Variants in RASA3 observed in about 807,000 individuals in gnomAD.
RASA3 encodes RAS p21 protein activator 3.
In RASA3, 73 loss-of-function variants were observed where a neutral mutation model predicts 110.0. That is an observed-to-expected ratio of 0.66 (90% CI 0.55 to 0.81). The LOEUF is 0.81. Ranked by LOEUF, RASA3 falls within the 30% of genes least tolerant of loss-of-function variation. The pLI is 0.00. For synonymous variants in RASA3, 500 were observed against 451.4 expected (o/e 1.11, Z -1.37); for missense variants, 976 against 1,113.2 (o/e 0.88, Z 1.75).
rs1037367992 is a variant in RASA3, at chr13:114,073,410, G to A, written c.173+310C>T. Among the ~76,000 whole-genome samples the A allele has an allele frequency of 2.7e-5, 4 of 148,458 alleles. No homozygotes were observed. In the South Asian group the frequency reaches 6.6e-4, roughly 24 times the overall value. On this transcript the variant is annotated intron_variant, in intron 2 of 23. Coordinates refer to ENST00000334062, the MANE Select transcript of RASA3 (RefSeq NM_007368.4). The stretch of plus-strand genomic sequence containing the variant: ...GGGAAAATGGGACGGTGACGTACAC[G>A]CTCGGGACATTGTCTACGCACAGAA...
intron 22 of RASA3, among the ~76,000 whole-genome samples, chr13:113,989,536 A>C (rs2053057189): frequency 5.4e-5 from 6 of 110,580 alleles, no homozygotes; most frequent in African/African-American, 7.2e-5. Context: ...ATCCACCATC[A>C]CTCACCCATC....
At position 114,018,866 on chromosome 13, in the gene RASA3, A is replaced by G; in HGVS notation, c.839T>C (p.Leu280Pro). 1 of 1,613,958 alleles carries G rather than the reference A, an allele frequency of 6.2e-7. No homozygotes were observed. Among genetic ancestry groups the G allele is most frequent in the Non-Finnish European group, 8.5e-7 (1 of 1,180,008 alleles). ...NGSKSLKPDD[L>P]GSLRLNVVYT... Reference sequence around the variant, plus strand: ...TACCACGTTCAGCCGCAGGGAGCCCAGGTCGTCTGGCTTTAGGCTCTTGCT... The same window carrying G: ...TACCACGTTCAGCCGCAGGGAGCCCGGGTCGTCTGGCTTTAGGCTCTTGCT... Residue 280 changes from leucine to proline, a missense_variant, in exon 10 of 24, where the codon CTG (leucine) becomes CCG (proline). Transcript: ENST00000334062.
intron 1 of RASA3, 49 bp from the exon 2 acceptor site, chr13:114,073,886 TCCC>T: frequency 7.0e-7 from 1 of 1,428,730 alleles, no homozygotes; most frequent in Non-Finnish European, 9.9e-7. Context: ...AAATGTTTGT[TCCC>T]TGCTACATCG....
In RASA3 at chr13:114,011,200, T is replaced by G. The variant is rs769705519; in HGVS notation, c.1561A>C (p.Thr521Pro). Reference sequence around the variant, plus strand: ...TTGGACTTGGACAGGCTGCCGAGGGTCTGAACGGTCTTGGAGATCAATGTC... The same window carrying G: ...TTGGACTTGGACAGGCTGCCGAGGGGCTGAACGGTCTTGGAGATCAATGTC... ...TLTLISKTVQ[T>P]LGSLSKSKSA... The change falls in exon 16 of 24, where the codon ACC (threonine) becomes CCC (proline). Residue 521 changes from threonine (T) to proline (P), a missense_variant. Coordinates refer to ENST00000334062, the MANE Select transcript of RASA3 (RefSeq NM_007368.4). This position sits in a 1 kb window ranked among gnomAD's most constrained non-coding sequence, Gnocchi z 4.8. The G allele has an allele frequency of 1.2e-6, 2 of 1,612,880 alleles. No individual in the cohort carries two copies. Among genetic ancestry groups the G allele is most frequent in the Non-Finnish European group, 1.7e-6 (2 of 1,179,684 alleles).
chr13:114,057,615 C>T lies in RASA3; in HGVS notation c.174-5460G>A, dbSNP rs114985505. The T allele has an allele frequency of 1.2e-3, 836 of 677,424 alleles. 10 individuals are homozygous for T. The African/African-American group carries it at 0.015, about 12-fold the overall frequency. The allele number at this position is 677,424 out of a possible 1,614,324, so 42.0% of individuals were successfully genotyped here. On this transcript the variant is annotated intron_variant, in intron 2 of 23. Transcript: ENST00000334062. The surrounding 1 kb of genome is among the most constrained non-coding windows in gnomAD (Gnocchi z 5.0). ...ATGACTGTGCACAGAGCCAGCCTGA[C>T]ACCCAAGGCCACGATGCCATAGCCA... is the stretch of plus-strand genomic sequence containing the variant.
At chr13:114,092,317 C>T (rs72618873) in intron 1 of RASA3, among the ~76,000 whole-genome samples, 2 of 152,264 alleles carry the variant, frequency 1.3e-5, no homozygotes, top group African/African-American at 4.8e-5. Context: ...AAATGTCCCT[C>T]TTAGCACTGC....
intron 3 of RASA3, among the ~76,000 whole-genome samples, chr13:114,042,430 AG>A (rs1242520063): frequency 2.0e-5 from 3 of 152,252 alleles, no homozygotes; most frequent in Non-Finnish European, 4.4e-5. Flanking sequence ...AGCAGGAGTG[AG>A]GAAGGAAATG....
Position 113,995,409 on chromosome 13 carries a change from G to T in RASA3, c.2141+1122C>A, listed in dbSNP as rs534142292. On this transcript the variant is annotated intron_variant, in intron 21 of 23. Coordinates refer to ENST00000334062, the MANE Select transcript of RASA3 (RefSeq NM_007368.4). ...GGTCCCACCTCTGAGGCTGTGGGAG[G>T]ATTAAACGGTGGCCCAGCATGGAGC... is the stretch of plus-strand genomic sequence containing the variant. 2.6e-5 allele frequency among the ~76,000 whole-genome samples: 4 copies of T among 152,346 alleles called. No individual in the cohort carries two copies. In the South Asian group the frequency reaches 8.3e-4, roughly 32 times the overall value.
intron 4 of RASA3, among the ~76,000 whole-genome samples, chr13:114,030,865 CTG>C (rs1341275035): frequency 1.3e-5 from 2 of 151,218 alleles, no homozygotes; most frequent in Non-Finnish European, 2.9e-5. Context: ...GTGTGTGCGG[CTG>C]TGTGTCTACC....
Position 114,015,226 on chromosome 13 carries a change from G to T in RASA3, c.1388C>A (p.Ala463Glu). The T allele has an allele frequency of 6.2e-7, 1 of 1,613,024 alleles. No individual in the cohort carries two copies. ...GCACTCACCCTGGAAGCGCTTGGCC[G>T]CCGCCTCCCGGAGGGAGAAGAAGAT... ...CDIFFSLREA[A>E]AKRFQDDPDV... The change falls in exon 14 of 24, where the codon GCG becomes GAG. Residue 463 changes from alanine to glutamate, a missense_variant. Physicochemically the swap from Ala to Glu is moderately radical, Grantham distance 107 (BLOSUM62 -1). Around this residue, in one of 4 missense-constraint regions of RASA3, gnomAD observed 732 missense variants for 779.7 expected, o/e 0.94. Transcript: ENST00000334062.
At chr13:114,040,721 C>T (rs377079131) in intron 4 of RASA3, among the ~76,000 whole-genome samples, 89 of 148,406 alleles carry the variant, frequency 6.0e-4, no homozygotes, top group African/African-American at 1.6e-3. Flanking sequence ...AGCCCGCGCT[C>T]ACTCCGAGCA....
Position 114,029,899 on chromosome 13 carries a change from A to G in RASA3, c.373-12T>C. ...AGGTGCACTTTGCCCTGCAAGGCAC[A>G]AGGATGGGGTGTCAGAGGCTGTGGC... On this transcript the variant is annotated splice_polypyrimidine_tract_variant and intron_variant, in intron 4 of 23. Coordinates refer to ENST00000334062, the MANE Select transcript of RASA3 (RefSeq NM_007368.4). The G allele has an allele frequency of 2.6e-6, 4 of 1,550,312 alleles. No homozygotes were observed. Among genetic ancestry groups the G allele is most frequent in the Non-Finnish European group, 3.5e-6 (4 of 1,149,670 alleles).
chr13:114,026,265 G>A lies in RASA3; in HGVS notation c.603+1124C>T, dbSNP rs542985725. On this transcript the variant is annotated intron_variant, in intron 7 of 23. Coordinates refer to ENST00000334062, the MANE Select transcript of RASA3 (RefSeq NM_007368.4). ...GTGTGTGGCAGCCAAGCCAGCAGCC[G>A]AGGCGGGGGGAGCTGCCACCTGGAA... 3.3e-5 allele frequency among the ~76,000 whole-genome samples: 5 copies of A among 152,328 alleles called. No individual in the cohort carries two copies. The South Asian group carries it at 6.2e-4, about 19-fold the overall frequency.
In RASA3 at chr13:114,057,014, G is replaced by T. The variant is rs2079257143; in HGVS notation, c.174-4859C>A. On this transcript the variant is annotated intron_variant, in intron 2 of 23. Coordinates refer to ENST00000334062, the MANE Select transcript of RASA3 (RefSeq NM_007368.4). This position sits in a 1 kb window ranked among gnomAD's most constrained non-coding sequence, Gnocchi z 5.0. ...GAGCTGTTGTCCTTGGGAACCACGG[G>T]TCCCCCCTCCTGAAGAAGGGGAACG... Among the ~76,000 whole-genome samples, 1 of 152,034 alleles carries T rather than the reference G, an allele frequency of 6.6e-6. No individual in the cohort carries two copies. The highest frequency in any genetic ancestry group is 2.4e-5 in the African/African-American group (1 of 41,390).
At chr13:114,059,998 A>G (rs2079309539) in intron 2 of RASA3, among the ~76,000 whole-genome samples, 1 of 152,228 alleles carries the variant, frequency 6.6e-6, no homozygotes, top group South Asian at 2.1e-4. Flanking sequence ...AGGCTTACGG[A>G]CGAGTGAGCG....
intron 1 of RASA3, among the ~76,000 whole-genome samples, chr13:114,117,985 G>T (rs1231680304): frequency 6.6e-6 from 1 of 151,934 alleles, no homozygotes; most frequent in African/African-American, 2.4e-5. Flanking sequence ...GTGTGCACAT[G>T]TGGATGTTGC....
intron 23 of RASA3, among the ~76,000 whole-genome samples, chr13:113,979,959 ACCT>A (rs912993597): frequency 1.5e-4 from 21 of 140,162 alleles, no homozygotes; most frequent in African/African-American, 4.6e-4. Flanking sequence ...ACGTGTGTGC[ACCT>A]CCTTCCACGT....
rs76012672 is a variant in RASA3, at chr13:114,001,069, G to A, written c.1743-137C>T. 6.3e-4 allele frequency: 407 copies of A among 641,796 alleles called. 2 individuals are homozygous for A. In the African/African-American group the frequency reaches 6.9e-3, roughly 11 times the overall value. 39.8% of individuals were successfully genotyped at this position (641,796 alleles called of 1,614,324 possible). A position where few individuals can be genotyped will look rare whatever the true frequency, so the allele number is the denominator to read the frequency against. On this transcript the variant is annotated intron_variant, in intron 18 of 23. Coordinates refer to ENST00000334062, the MANE Select transcript of RASA3 (RefSeq NM_007368.4). ...TTTCAATATCTTATCATTTTACTCC[G>A]AGTGATGAGATTAAAATTGGAAGGC...
At chr13:114,010,775 G>A (rs2053618719) in intron 16 of RASA3, among the ~76,000 whole-genome samples, 1 of 135,720 alleles carries the variant, frequency 7.4e-6, no homozygotes. Flanking sequence ...TGGGGAGGAG[G>A]GGGCCGCGTG....
Sources: allele counts gnomAD v4.1 joint callset (sites outside exome capture counted in the v4.1 genomes callset), GRCh38; gene constraint gnomAD v4.1.1; regional missense constraint gnomAD v4.1.1; non-coding constraint Gnocchi (gnomAD v3.1); transcripts MANE v1.5; gene names NCBI Gene and HGNC (gene_info 2026-07-23, HGNC 2026-07-21).